ST8SIA2: variants seen among roughly 807,000 people sequenced by gnomAD.
ST8SIA2 encodes the protein alpha-2,8-sialyltransferase 8B.
In ST8SIA2, 22 loss-of-function variants were observed where a neutral mutation model predicts 37.6. The observed-to-expected ratio is 0.58, with a 90% CI of 0.42 to 0.83. The LOEUF (loss-of-function observed/expected upper bound fraction) is 0.83. Among genes scored for constraint, ST8SIA2 ranks in the 40% least tolerant of loss-of-function variants. The pLI, the probability that ST8SIA2 is intolerant of heterozygous loss-of-function variation, is 0.00. For missense variants in ST8SIA2, 382 were observed against 484.7 expected (o/e 0.79, Z 1.99); for synonymous variants, 205 against 201.2 (o/e 1.02, Z -0.16).
At chr15:92,420,055 C>T (rs3848154) in intron 1 of ST8SIA2, among the ~76,000 whole-genome samples, 65,041 of 151,902 alleles carry the variant, frequency 0.43, 15,015 homozygotes, top group East Asian at 0.69. Flanking sequence ...TGATTAGAGA[C>T]GGGGTTTCAC....
chr15:92,426,954 C>T (rs1003917835), intron 1 of ST8SIA2, among the ~76,000 whole-genome samples: 2 of 151,978 alleles, frequency 1.3e-5, no homozygotes, highest in African/African-American at 4.8e-5. Context: ...ATTAGCCGGG[C>T]GTGATGGCAG....
At chr15:92,424,793 G>T (rs1274384936) in intron 1 of ST8SIA2, among the ~76,000 whole-genome samples, 1 of 152,002 alleles carries the variant, frequency 6.6e-6, no homozygotes, top group Non-Finnish European at 1.5e-5. Context: ...TGTATTTTTA[G>T]TACAGATGGG....
chr15:92,414,586 C>T (rs2049573473), intron 1 of ST8SIA2, among the ~76,000 whole-genome samples: 1 of 152,238 alleles, frequency 6.6e-6, no homozygotes, highest in Non-Finnish European at 1.5e-5. Flanking sequence ...AAATGCCGAA[C>T]TCATAGGGTT....
chr15:92,419,890 A>G (rs1034186689), intron 1 of ST8SIA2, among the ~76,000 whole-genome samples: 4 of 152,190 alleles, frequency 2.6e-5, no homozygotes, highest in African/African-American at 4.8e-5. Flanking sequence ...TCTTTGAGAT[A>G]GAGTCTCGCT....
chr15:92,415,030 T>G (rs1345034201), intron 1 of ST8SIA2, among the ~76,000 whole-genome samples: 1 of 152,102 alleles, frequency 6.6e-6, no homozygotes, highest in African/African-American at 2.4e-5. Context: ...CTGGGAAAAG[T>G]GGGGACGGAG....
chr15:92,430,630 G>A (rs2049708669), intron 2 of ST8SIA2, among the ~76,000 whole-genome samples: 1 of 152,184 alleles, frequency 6.6e-6, no homozygotes. Context: ...TAATGGTGCA[G>A]AACAGTCATT....
chr15:92,420,034 TTTTTGTA>T (rs1221080759), intron 1 of ST8SIA2, among the ~76,000 whole-genome samples: 1 of 152,086 alleles, frequency 6.6e-6, no homozygotes, highest in African/African-American at 2.4e-5. Context: ...CCCAGCTAAT[TTTTTGTA>T]TTTTGATTAG....
chr15:92,455,147 G>A (rs1427388218), intron 5 of ST8SIA2, among the ~76,000 whole-genome samples: 1 of 152,152 alleles, frequency 6.6e-6, no homozygotes, highest in African/African-American at 2.4e-5. Flanking sequence ...CAGGTTGCTG[G>A]TGGCTCCTCC....
chr15:92,411,441 C>T (rs996220100), intron 1 of ST8SIA2, among the ~76,000 whole-genome samples: 2 of 152,088 alleles, frequency 1.3e-5, no homozygotes, highest in African/African-American at 4.8e-5. Context: ...GCAGCACTCT[C>T]GGGACAGTCA....
intron 5 of ST8SIA2, among the ~76,000 whole-genome samples, chr15:92,457,352 A>G (rs776058396): frequency 6.6e-6 from 1 of 152,206 alleles, no homozygotes; most frequent in Non-Finnish European, 1.5e-5. Context: ...GAAAAAGACA[A>G]ATGTGCTTTG....
Position 92,464,542 on chromosome 15 carries a change from A to G in ST8SIA2, c.*157A>G. 3 of 748,918 alleles carry G rather than the reference A, an allele frequency of 4.0e-6. No homozygotes were observed. The allele number at this position is 748,918 out of a possible 1,614,324, so 46.4% of individuals were successfully genotyped here. A position where few individuals can be genotyped will look rare whatever the true frequency, so the allele number is the denominator to read the frequency against. On this transcript the variant is annotated 3_prime_UTR_variant, in exon 6 of 6. Coordinates refer to ENST00000268164, the MANE Select transcript of ST8SIA2 (RefSeq NM_006011.4). ...CCAGAATATATATATCTATACCTGC[A>G]TATATATATTGACCTGAGTATTTAT...
intron 1 of ST8SIA2, among the ~76,000 whole-genome samples, chr15:92,400,537 G>A (rs1238428143): frequency 6.6e-6 from 1 of 152,158 alleles, no homozygotes; most frequent in African/African-American, 2.4e-5. Context: ...AGCACAGTCT[G>A]GCTATGACGT....
chr15:92,406,598 C>A (rs1250383027), intron 1 of ST8SIA2, among the ~76,000 whole-genome samples: 1 of 152,222 alleles, frequency 6.6e-6, no homozygotes, highest in East Asian at 1.9e-4. Flanking sequence ...CTGCCCTAAG[C>A]AGTGACCTTG....
At chr15:92,429,902 G>C in intron 1 of ST8SIA2, 147 bp from the exon 2 acceptor site, 1 of 843,974 alleles carries the variant, frequency 1.2e-6, no homozygotes, top group Admixed American at 2.0e-5. Flanking sequence ...TCTGGGGCCA[G>C]GACTTTGCCC....
At chr15:92,449,610 C>A (rs1191961038) in intron 5 of ST8SIA2, among the ~76,000 whole-genome samples, 1 of 152,232 alleles carries the variant, frequency 6.6e-6, no homozygotes, top group Non-Finnish European at 1.5e-5. Flanking sequence ...AACTAATTTA[C>A]AATCCCAACA....
chr15:92,413,874 C>T (rs558424464), intron 1 of ST8SIA2, among the ~76,000 whole-genome samples: 2 of 152,196 alleles, frequency 1.3e-5, no homozygotes, highest in African/African-American at 4.8e-5. Flanking sequence ...TGAGGCAGCC[C>T]CCGGTGTGAT....
At chr15:92,448,957 A>G (rs1217585805) in intron 5 of ST8SIA2, among the ~76,000 whole-genome samples, 1 of 152,046 alleles carries the variant, frequency 6.6e-6, no homozygotes. Flanking sequence ...GTGTGAATGA[A>G]CTTTTATTGT....
At chr15:92,449,470 T>C (rs2049866774) in intron 5 of ST8SIA2, among the ~76,000 whole-genome samples, 1 of 152,232 alleles carries the variant, frequency 6.6e-6, no homozygotes, top group South Asian at 2.1e-4. Flanking sequence ...GCTATGAACA[T>C]GCCAGTGCAT....
chr15:92,453,123 C>G (rs1192636968), intron 5 of ST8SIA2, among the ~76,000 whole-genome samples: 1 of 152,116 alleles, frequency 6.6e-6, no homozygotes, highest in Non-Finnish European at 1.5e-5. Flanking sequence ...AGGAAGGAAG[C>G]TGGGATTCAA....
Sources: gnomAD v4.1 joint callset for allele counts (sites outside exome capture counted in the v4.1 genomes callset) on GRCh38, gnomAD v4.1.1 for gene constraint, MANE v1.5 for transcripts, NCBI Gene and HGNC (gene_info 2026-07-23, HGNC 2026-07-21) for gene names.